Variants in SOX8 observed in about 807,000 individuals in gnomAD.
The protein encoded by SOX8 is SRY-box transcription factor 8.
A neutral mutation model predicts 22.9 loss-of-function variants in SOX8; 9 were observed. The ratio of observed to expected loss-of-function variants is 0.39; its 90% confidence interval spans 0.24 to 0.69. The LOEUF (loss-of-function observed/expected upper bound fraction) is 0.69. Among genes scored for constraint, SOX8 ranks in the 30% least tolerant of loss-of-function variants. SOX8 has a pLI of 0.43. For missense variants in SOX8, 734 were observed against 699.4 expected (o/e 1.05, Z -0.56); for synonymous variants, 416 against 330.6 (o/e 1.26, Z -2.80).
chr16:984,808 G>T lies in SOX8; in HGVS notation c.763G>T (p.Gly255Trp), dbSNP rs777739719. 1 of 1,611,602 alleles carries T rather than the reference G, an allele frequency of 6.2e-7. No individual in the cohort carries two copies. The change falls in exon 3 of 3, where the codon GGG becomes TGG. Residue 255 changes from glycine to tryptophan, a missense_variant. By Grantham distance (184) the Gly-to-Trp change is radical. Coordinates refer to ENST00000293894, the MANE Select transcript of SOX8 (RefSeq NM_014587.5). Reference sequence around the variant, plus strand: ...GGAGGGACGCCGGCCGGTGGACAGCGGGCGCCAGAACATCGACTTCAGCAA... The same window carrying T: ...GGAGGGACGCCGGCCGGTGGACAGCTGGCGCCAGAACATCGACTTCAGCAA... ...KLEGRRPVDS[G>W]RQNIDFSNVD... is the part of the protein sequence containing the mutation.
intron 2 of SOX8, among the ~76,000 whole-genome samples, chr16:984,343 T>G (rs530411205): frequency 1.3e-5 from 2 of 152,320 alleles, no homozygotes; most frequent in African/African-American, 4.8e-5. Context: ...TCAGGCTGGC[T>G]GACGCCCGCC....
chr16:984,724 CCGCCCACCA>C lies in SOX8; in HGVS notation c.681_689del (p.Thr229_Pro231del). The C allele has an allele frequency of 6.4e-7, 1 of 1,560,094 alleles. No homozygotes were observed. Among genetic ancestry groups the C allele is most frequent in the Non-Finnish European group, 8.6e-7 (1 of 1,156,844 alleles). On this transcript the variant is annotated inframe_deletion, in exon 3 of 3. Coordinates refer to ENST00000293894, the MANE Select transcript of SOX8 (RefSeq NM_014587.5). ...AGGGCAGACCCACGGGCCGCCCACC[CCGCCCACCA>C]CCCCCAAGACGGAGCTGCAGCAGGC...
intron 1 of SOX8, chr16:983,495 G>T (rs1402703131): frequency 7.2e-6 from 3 of 419,088 alleles, no homozygotes; most frequent in South Asian, 6.8e-5. Flanking sequence ...CGTGGGGCTT[G>T]TTCTTCTTTG....
Position 985,542 on chromosome 16 carries a change from C to G in SOX8, c.*156C>G, listed in dbSNP as rs1019988774. On this transcript the variant is annotated 3_prime_UTR_variant, in exon 3 of 3. Coordinates refer to ENST00000293894, the MANE Select transcript of SOX8 (RefSeq NM_014587.5). Reference sequence around the variant, plus strand: ...GCTTGCTGCCCGTGGCCCTCGGCCTCCAGATGGCCACACCTCTGCCGACGA... The same window carrying G: ...GCTTGCTGCCCGTGGCCCTCGGCCTGCAGATGGCCACACCTCTGCCGACGA... The G allele has an allele frequency of 9.9e-6, 6 of 605,434 alleles. No individual in the cohort carries two copies. The highest frequency in any genetic ancestry group is 9.0e-5 in the East Asian group (3 of 33,380). The allele number at this position is 605,434 out of a possible 1,614,324, so 37.5% of individuals were successfully genotyped here.
intron 2 of SOX8, among the ~76,000 whole-genome samples, chr16:984,179 G>C (rs575537251): frequency 1.3e-5 from 2 of 152,380 alleles, no homozygotes; most frequent in Non-Finnish European, 2.9e-5. Flanking sequence ...GGGGCTGACA[G>C]CTTTGCTTGG....
chr16:983,958 C>G lies in SOX8; in HGVS notation c.653C>G (p.Thr218Arg). 6.6e-7 allele frequency: 1 copy of G among 1,518,878 alleles called. No homozygotes were observed. The highest frequency in any genetic ancestry group is 8.9e-7 in the Non-Finnish European group (1 of 1,126,730). The allele number at this position is 1,518,878 out of a possible 1,614,324, so 94.1% of individuals were successfully genotyped here. ...LGDGHHHGDH[T>R]GQTHGPPTPP... Reference sequence around the variant, plus strand: ...GATGGGCACCACCATGGCGACCACACAGGTGGGCTCCAGGCCCCCCGCATA... The same window carrying G: ...GATGGGCACCACCATGGCGACCACAGAGGTGGGCTCCAGGCCCCCCGCATA... The change falls in exon 2 of 3, where the codon ACA (threonine) becomes AGA (arginine). Residue 218 changes from threonine to arginine, a missense_variant and splice_region_variant. Around this residue, in one of 3 missense-constraint regions of SOX8, gnomAD observed 588 missense variants for 568.2 expected, o/e 1.03. Transcript: ENST00000293894.
Position 981,999 on chromosome 16 carries a change from A to G in SOX8, c.77A>G (p.Glu26Gly). ...ACCGCCAGCTCCATGTCGCACGTGG[A>G]GGACTCGGACTCGGACGCGCCGCCG... Reference protein sequence around the residue: ...SGTASSMSHVEDSDSDAPPSP... With the variant: ...SGTASSMSHVGDSDSDAPPSP... Residue 26 changes from glutamate (E) to glycine (G), a missense_variant, in exon 1 of 3, where the codon GAG becomes GGG. Physicochemically the swap from Glu to Gly is moderately conservative, Grantham distance 98. Transcript: ENST00000293894. 1 of 1,442,146 alleles carries G rather than the reference A, an allele frequency of 6.9e-7. No homozygotes were observed. Among genetic ancestry groups the G allele is most frequent in the Non-Finnish European group, 9.1e-7 (1 of 1,097,600 alleles). 89.3% of individuals were successfully genotyped at this position (1,442,146 alleles called of 1,614,324 possible). A position where few individuals can be genotyped will look rare whatever the true frequency, so the allele number is the denominator to read the frequency against.
Position 982,012 on chromosome 16 carries a change from G to T in SOX8, c.90G>T (p.Ser30=), listed in dbSNP as rs1262855030. ...SSMSHVEDSD[S]DAPPSPAGSE... ...TGTCGCACGTGGAGGACTCGGACTCGGACGCGCCGCCGTCTCCCGCCGGCT... is the reference window on the plus strand; with the variant it reads ...TGTCGCACGTGGAGGACTCGGACTCTGACGCGCCGCCGTCTCCCGCCGGCT... The change falls in exon 1 of 3, where the codon TCG becomes TCT. Residue 30 remains serine (S), a synonymous_variant. Transcript: ENST00000293894. The T allele has an allele frequency of 7.1e-6, 10 of 1,410,370 alleles. No homozygotes were observed. In the African/African-American group the frequency reaches 1.3e-4, roughly 19 times the overall value. 87.4% of individuals were successfully genotyped at this position (1,410,370 alleles called of 1,614,324 possible). A position where few individuals can be genotyped will look rare whatever the true frequency, so the allele number is the denominator to read the frequency against.
Position 983,814 on chromosome 16 carries a change from A to G in SOX8, c.509A>G (p.Lys170Arg), listed in dbSNP as rs578097473. The change falls in exon 2 of 3, where the codon AAG becomes AGG. Residue 170 changes from lysine (K) to arginine (R), a missense_variant. Coordinates refer to ENST00000293894, the MANE Select transcript of SOX8 (RefSeq NM_014587.5). ...CACAAGAAGGACCACCCCGACTACA[A>G]GTACCAGCCACGGCGCAGGAAGAGC... ...VQHKKDHPDY[K>R]YQPRRRKSAK... 1.9e-6 allele frequency: 3 copies of G among 1,612,832 alleles called. No individual in the cohort carries two copies. In the South Asian group the frequency reaches 3.3e-5, roughly 18 times the overall value.
At chr16:983,652 T>C in intron 1 of SOX8, 76 bp from the exon 2 acceptor site, 1 of 1,382,998 alleles carries the variant, frequency 7.2e-7, no homozygotes. Context: ...CTGCTGCCGG[T>C]TCCCCCTGTG....
In SOX8 at chr16:984,983, C is replaced by A; in HGVS notation, c.938C>A (p.Ser313Tyr). The change falls in exon 3 of 3, where the codon TCC (serine) becomes TAC (tyrosine). Residue 313 changes from serine to tyrosine, a missense_variant. This residue lies in a region of SOX8 where 588 missense variants were observed against 568.2 expected (regional missense o/e 1.03). Coordinates refer to ENST00000293894, the MANE Select transcript of SOX8 (RefSeq NM_014587.5). ...GGCGCCTACTTCCACGCCGGGGCGT[C>A]CCCCGTGTGGGCCCACAAGAGTGCC... Reference protein sequence around the residue: ...YGGAYFHAGASPVWAHKSAPS... With the variant: ...YGGAYFHAGAYPVWAHKSAPS... 2 of 1,586,768 alleles carry A rather than the reference C, an allele frequency of 1.3e-6. No homozygotes were observed. Among genetic ancestry groups the A allele is most frequent in the Non-Finnish European group, 1.7e-6 (2 of 1,169,138 alleles).
intron 1 of SOX8, 87 bp downstream of exon 1, chr16:982,431 C>T (rs895733081): frequency 8.0e-7 from 1 of 1,243,814 alleles, no homozygotes; most frequent in Non-Finnish European, 1.0e-6. Context: ...GGGCGCAGAG[C>T]TCGCGGAGGT....
At position 983,855 on chromosome 16, in the gene SOX8, A is replaced by G. The variant is rs1473153874; in HGVS notation, c.550A>G (p.Ser184Gly). 4 of 1,612,564 alleles carry G rather than the reference A, an allele frequency of 2.5e-6. No individual in the cohort carries two copies. Among genetic ancestry groups the G allele is most frequent in the South Asian group, 2.2e-5 (2 of 91,058 alleles). ...RRRKSAKAGH[S>G]DSDSGAELGP... ...CAGGAAGAGCGCCAAAGCCGGCCACAGCGACTCCGACTCGGGCGCGGAGCT... is the reference window on the plus strand; with the variant it reads ...CAGGAAGAGCGCCAAAGCCGGCCACGGCGACTCCGACTCGGGCGCGGAGCT... Residue 184 changes from serine to glycine, a missense_variant, in exon 2 of 3, where the codon AGC (serine) becomes GGC (glycine). Around this residue, in one of 3 missense-constraint regions of SOX8, gnomAD observed 588 missense variants for 568.2 expected, o/e 1.03. Transcript: ENST00000293894.
chr16:982,297 G>A lies in SOX8; in HGVS notation c.375G>A (p.Pro125=), dbSNP rs146760359. The A allele has an allele frequency of 1.7e-3, 2,447 of 1,480,234 alleles. 36 individuals are homozygous for A. The African/African-American group carries it at 0.03, about 18-fold the overall frequency. The allele number at this position is 1,480,234 out of a possible 1,614,324, so 91.7% of individuals were successfully genotyped here. ...GCCGCAAGCTGGCCGACCAGTACCC[G>A]CACCTGCACAACGCCGAGCTCAGCA... ...AARRKLADQY[P]HLHNAELSKT... is the part of the protein sequence containing the mutation. The change falls in exon 1 of 3, where the codon CCG becomes CCA. Residue 125 remains proline, a synonymous_variant. Transcript: ENST00000293894.
Position 985,229 on chromosome 16 carries a change from A to G in SOX8, c.1184A>G (p.Tyr395Cys), listed in dbSNP as rs1567357957. The G allele has an allele frequency of 6.2e-7, 1 of 1,612,008 alleles. No individual in the cohort carries two copies. Among genetic ancestry groups the G allele is most frequent in the East Asian group, 2.2e-5 (1 of 44,856 alleles). Residue 395 changes from tyrosine to cysteine, a missense_variant, in exon 3 of 3, where the codon TAC (tyrosine) becomes TGC (cysteine). Coordinates refer to ENST00000293894, the MANE Select transcript of SOX8 (RefSeq NM_014587.5). ...CAGGCCTCCAGCTACTATGGTGCCT[A>G]CCCTGGCTACGCACCCGGCCTCTAC... Reference protein sequence around the residue: ...DLQASSYYGAYPGYAPGLYQY... With the variant: ...DLQASSYYGACPGYAPGLYQY...
chr16:986,623 AC>A lies in SOX8; in HGVS notation c.*1239del, dbSNP rs1416679028. On this transcript the variant is annotated 3_prime_UTR_variant, in exon 3 of 3. Transcript: ENST00000293894. ...GTTCTAGACGAGTCATACCTGATTC[AC>A]CTGCACTGCTTCCCCTGTGTGCTGA... 2.0e-5 allele frequency: 3 copies of A among 152,474 alleles called. No individual in the cohort carries two copies. In the East Asian group the frequency reaches 5.8e-4, roughly 29 times the overall value. The allele number at this position is 152,474 out of a possible 1,614,324, so 9.4% of individuals were successfully genotyped here. A position where few individuals can be genotyped will look rare whatever the true frequency, so the allele number is the denominator to read the frequency against.
At position 985,081 on chromosome 16, in the gene SOX8, G is replaced by A. The variant is rs772158726; in HGVS notation, c.1036G>A (p.Gly346Ser). The change falls in exon 3 of 3, where the codon GGC becomes AGC. Residue 346 changes from glycine to serine, a missense_variant. Gly to Ser is a moderately conservative substitution (Grantham distance 56, BLOSUM62 0). Coordinates refer to ENST00000293894, the MANE Select transcript of SOX8 (RefSeq NM_014587.5). The part of the protein sequence containing the change: ...PHIKTEQPSP[G>S]HYGDQPRGSP... Reference sequence around the variant, plus strand: ...CATCAAGACGGAGCAGCCGAGCCCCGGCCACTACGGCGACCAGCCCCGAGG... The same window carrying A: ...CATCAAGACGGAGCAGCCGAGCCCCAGCCACTACGGCGACCAGCCCCGAGG... 1.7e-5 allele frequency: 27 copies of A among 1,588,522 alleles called. No homozygotes were observed. The highest frequency in any genetic ancestry group is 1.8e-4 in the Middle Eastern group (1 of 5,614).
rs1294584650 is a variant in SOX8 at position 986,924 on chromosome 16, A to C, written c.*1538A>C. On this transcript the variant is annotated 3_prime_UTR_variant, in exon 3 of 3. Coordinates refer to ENST00000293894, the MANE Select transcript of SOX8 (RefSeq NM_014587.5). ...GCCTTCACTCCTTTCTGACCAAGCA[A>C]CGCTAACTTTTGTACAGATCGATTT... 1 of 152,298 alleles carries C rather than the reference A, an allele frequency of 6.6e-6. No homozygotes were observed. Among genetic ancestry groups the C allele is most frequent in the South Asian group, 2.1e-4 (1 of 4,834 alleles). 9.4% of individuals were successfully genotyped at this position (152,298 alleles called of 1,614,324 possible). A position where few individuals can be genotyped will look rare whatever the true frequency, so the allele number is the denominator to read the frequency against.
chr16:982,383 G>A (rs1421559092), intron 1 of SOX8, 39 bp downstream of exon 1: 1 of 1,308,638 alleles, frequency 7.6e-7, no homozygotes, highest in South Asian at 2.2e-5. Context: ...TCGGGACCTT[G>A]GCCGCCCCTG....
Sources: gnomAD v4.1 joint callset for allele counts (sites outside exome capture counted in the v4.1 genomes callset) on GRCh38, gnomAD v4.1.1 for gene constraint, gnomAD v4.1.1 regional missense constraint, MANE v1.5 for transcripts, NCBI Gene and HGNC (gene_info 2026-07-23, HGNC 2026-07-21) for gene names.